AHCYL2: variants seen among roughly 807,000 people sequenced by gnomAD.
AHCYL2 encodes the protein S-adenosylhomocysteine hydrolase-like protein 2.
Under a neutral mutation model 81.4 loss-of-function variants are expected in AHCYL2, and 28 were observed. The ratio of observed to expected loss-of-function variants is 0.34; its 90% CI spans 0.25 to 0.47. The LOEUF (loss-of-function observed/expected upper bound fraction) is 0.47. AHCYL2 is among the 20% of genes least tolerant of loss of function. The pLI, the probability that AHCYL2 is intolerant of heterozygous loss-of-function variation, is 1.00. For synonymous variants in AHCYL2, 272 were observed against 290.2 expected, an observed-to-expected ratio of 0.94 and a Z score of 0.64; for missense variants, 551 against 785.1, an observed-to-expected ratio of 0.70 and a Z score of 3.56.
intron 1 of AHCYL2, among the ~76,000 whole-genome samples, chr7:129,270,499 G>C (rs1330553842): frequency 1.3e-5 from 2 of 152,128 alleles, no homozygotes; most frequent in African/African-American, 4.8e-5. Flanking sequence ...GAACACTCAA[G>C]ATTCCTAGTC....
intron 1 of AHCYL2, among the ~76,000 whole-genome samples, chr7:129,243,933 A>G (rs898446854): frequency 2.0e-5 from 3 of 151,696 alleles, no homozygotes; most frequent in Admixed American, 2.0e-4. Context: ...TTAATATTTT[A>G]TATGGTATGA....
Position 129,405,112 on chromosome 7 carries a change from C to A in AHCYL2, c.1041C>A (p.Ser347=). The A allele has an allele frequency of 6.2e-7, 1 of 1,604,520 alleles. No individual in the cohort carries two copies. Among genetic ancestry groups the A allele is most frequent in the Non-Finnish European group, 8.5e-7 (1 of 1,175,916 alleles). Residue 347 remains serine, a synonymous_variant, in exon 8 of 17, where the codon TCC becomes TCA. Transcript: ENST00000325006. ...TCATCCTCAGGCTGTACCAACTGTC[C>A]AAAGCTGGGAAGCTGTGTGTTCCAG... The part of the protein sequence containing the change: ...VTGVHRLYQL[S]KAGKLCVPAM...
At chr7:129,407,905 A>T (rs1048401266) in intron 10 of AHCYL2, among the ~76,000 whole-genome samples, 2 of 152,192 alleles carry the variant, frequency 1.3e-5, no homozygotes, top group African/African-American at 4.8e-5. Context: ...GAGTCTTGAC[A>T]TTTGTATAGG....
rs188526911 is a variant in AHCYL2, at chr7:129,426,239, A to G, written c.1709-204A>G. ...AAAGCTGAGTTAGTAAGGATGAATT[A>G]TTAAGGCTTTGGAAAGCACTGGGCT... is the stretch of plus-strand genomic sequence containing the variant. On this transcript the variant is annotated intron_variant, in intron 15 of 16. Transcript: ENST00000325006. The surrounding 1 kb of genome is among the most constrained non-coding windows in gnomAD (Gnocchi z 4.3). Among the ~76,000 whole-genome samples the G allele has an allele frequency of 3.7e-3, 571 of 152,328 alleles. 3 individuals are homozygous for G. Among genetic ancestry groups the G allele is most frequent in the Non-Finnish European group, 6.5e-3 (439 of 68,030 alleles).
Position 129,419,567 on chromosome 7 carries a change from C to T in AHCYL2, c.1462-3273C>T, listed in dbSNP as rs1314933488. 1.3e-5 allele frequency among the ~76,000 whole-genome samples: 2 copies of T among 151,924 alleles called. No homozygotes were observed. Among genetic ancestry groups the T allele is most frequent in the Non-Finnish European group, 2.9e-5 (2 of 67,958 alleles). Reference sequence around the variant, plus strand: ...AGACTCCGTCTCAGAAAAAAGCAGACCTGCTTACCCATGTGTATCACATAG... The same window carrying T: ...AGACTCCGTCTCAGAAAAAAGCAGATCTGCTTACCCATGTGTATCACATAG... On this transcript the variant is annotated intron_variant, in intron 12 of 16. Transcript: ENST00000325006. This position sits in a 1 kb window ranked among gnomAD's most constrained non-coding sequence, Gnocchi z 4.7.
chr7:129,315,069 G>C (rs1797786394), intron 1 of AHCYL2, among the ~76,000 whole-genome samples: 1 of 152,192 alleles, frequency 6.6e-6, no homozygotes, highest in East Asian at 1.9e-4. Flanking sequence ...CTCTGTAAGT[G>C]ATAGGCTGAA....
intron 1 of AHCYL2, among the ~76,000 whole-genome samples, chr7:129,330,996 T>G (rs1798399040): frequency 6.6e-6 from 1 of 152,224 alleles, no homozygotes; most frequent in Admixed American, 6.5e-5. Flanking sequence ...GATTGTTTTC[T>G]AAATATGATA....
intron 12 of AHCYL2, among the ~76,000 whole-genome samples, chr7:129,418,833 C>T (rs1361525219): frequency 2.6e-5 from 4 of 152,160 alleles, no homozygotes; most frequent in Non-Finnish European, 4.4e-5. Flanking sequence ...TTCAGTATTT[C>T]TGACTGTAGA....
Position 129,423,007 on chromosome 7 carries a change from C to T in AHCYL2, c.1560+69C>T, listed in dbSNP as rs1002827062. 24 of 1,318,552 alleles carry T rather than the reference C, an allele frequency of 1.8e-5. No homozygotes were observed. The Admixed American group carries it at 3.1e-4, about 17-fold the overall frequency. 81.7% of individuals were successfully genotyped at this position (1,318,552 alleles called of 1,614,324 possible). A position where few individuals can be genotyped will look rare whatever the true frequency, so the allele number is the denominator to read the frequency against. ...ACTGCAATACCCAGGTCCCCTCCTCCTCATGTTCTCGAATACTTTCAACTC... is the reference window on the plus strand; with the variant it reads ...ACTGCAATACCCAGGTCCCCTCCTCTTCATGTTCTCGAATACTTTCAACTC... On this transcript the variant is annotated intron_variant, in intron 13 of 16. Transcript: ENST00000325006.
At chr7:129,386,740 G>A (rs1247081192) in intron 2 of AHCYL2, among the ~76,000 whole-genome samples, 1 of 152,150 alleles carries the variant, frequency 6.6e-6, no homozygotes, top group Non-Finnish European at 1.5e-5. Context: ...AAGAGGCATA[G>A]GAAGGGCAAT....
chr7:129,379,212 G>A (rs1014721585), intron 1 of AHCYL2, among the ~76,000 whole-genome samples: 1 of 151,780 alleles, frequency 6.6e-6, no homozygotes, highest in African/African-American at 2.4e-5. Flanking sequence ...CCCAGAAGGT[G>A]GAGGTTGCAG....
At chr7:129,257,282 T>C (rs906240205) in intron 1 of AHCYL2, among the ~76,000 whole-genome samples, 6 of 152,224 alleles carry the variant, frequency 3.9e-5, no homozygotes, top group African/African-American at 1.4e-4. Context: ...ATTTGCTGTT[T>C]GATTTTGTTT....
rs950567019 is a variant in AHCYL2, at chr7:129,428,273, T to G, written c.*1228T>G. On this transcript the variant is annotated 3_prime_UTR_variant, in exon 17 of 17. Coordinates refer to ENST00000325006, the MANE Select transcript of AHCYL2 (RefSeq NM_015328.4). ...TTCTCTGCTGGCATATCTTTTATGA[T>G]TTAACCTCTTCCATTTGATGATTCT... 3.9e-5 allele frequency: 6 copies of G among 152,250 alleles called. No homozygotes were observed. The highest frequency in any genetic ancestry group is 1.4e-4 in the African/African-American group (6 of 41,470). 9.4% of individuals were successfully genotyped at this position (152,250 alleles called of 1,614,324 possible).
intron 1 of AHCYL2, among the ~76,000 whole-genome samples, chr7:129,339,916 CTT>C (rs774989478): frequency 9.6e-6 from 1 of 104,540 alleles, no homozygotes; most frequent in Admixed American, 1.2e-4. Context: ...TTCCTCTGCT[CTT>C]TTTTTTTTTT....
At chr7:129,413,838 G>C (rs1796714831) in intron 12 of AHCYL2, 150 bp downstream of exon 12, 1 of 634,502 alleles carries the variant, frequency 1.6e-6, no homozygotes, top group Non-Finnish European at 2.8e-6. Context: ...CCTATAGCCT[G>C]TGTTTTTGGA....
chr7:129,410,854 G>A (rs1584898661), intron 11 of AHCYL2, among the ~76,000 whole-genome samples: 1 of 152,244 alleles, frequency 6.6e-6, no homozygotes, highest in South Asian at 2.1e-4. Flanking sequence ...AAAAATTGTA[G>A]TTGTAGCCTC....
rs758331503 is a variant in AHCYL2, at chr7:129,400,345, C to T, written c.879C>T (p.Ile293=). 17 of 1,612,686 alleles carry T rather than the reference C, an allele frequency of 1.1e-5. No individual in the cohort carries two copies. The highest frequency in any genetic ancestry group is 1.7e-5 in the Admixed American group (1 of 59,920). Residue 293 remains isoleucine (I), a synonymous_variant, in exon 6 of 17, where the codon ATC becomes ATT. Coordinates refer to ENST00000325006, the MANE Select transcript of AHCYL2 (RefSeq NM_015328.4). The part of the protein sequence containing the change: ...GESEDDFWWC[I]DRCVNVEGWQ... ...CAGAAGATGACTTTTGGTGGTGTAT[C>T]GATAGATGTGTGAATGTGGAGGGCT...
intron 5 of AHCYL2, among the ~76,000 whole-genome samples, 188 bp downstream of exon 5, chr7:129,397,512 T>C (rs1336531386): frequency 1.3e-5 from 2 of 152,270 alleles, no homozygotes; most frequent in Non-Finnish European, 1.5e-5. Flanking sequence ...TTAACTTTGC[T>C]ATTTTACAGT....
intron 1 of AHCYL2, among the ~76,000 whole-genome samples, chr7:129,251,317 AT>A (rs3042851): frequency 0.024 from 2,812 of 119,354 alleles, 50 homozygotes; most frequent in South Asian, 0.047. Flanking sequence ...GATAGTAAAG[AT>A]TTTTTTTTTT....
Sources: allele counts gnomAD v4.1 joint callset (sites outside exome capture counted in the v4.1 genomes callset), GRCh38; gene constraint gnomAD v4.1.1; non-coding constraint Gnocchi (gnomAD v3.1); transcripts MANE v1.5; gene names NCBI Gene and HGNC (gene_info 2026-07-23, HGNC 2026-07-21).